COX7B2: variants seen among roughly 807,000 people sequenced by gnomAD.
The protein encoded by COX7B2 is cytochrome c oxidase subunit 7B2.
For missense variants in COX7B2, 109 were observed against 95.9 expected, an observed-to-expected ratio of 1.14 and a Z score of -0.57; for synonymous variants, 37 against 32.1, an observed-to-expected ratio of 1.15 and a Z score of -0.51.
At chr4:46,859,767 G>A (rs2109797645) in intron 1 of COX7B2, among the ~76,000 whole-genome samples, 1 of 152,296 alleles carries the variant, frequency 6.6e-6, no homozygotes, top group Non-Finnish European at 1.5e-5. Context: ...TGCCATGATA[G>A]TTTACAAATG....
intron 1 of COX7B2, among the ~76,000 whole-genome samples, chr4:46,867,239 C>T (rs1717720245): frequency 6.6e-6 from 1 of 152,178 alleles, no homozygotes; most frequent in Non-Finnish European, 1.5e-5. Context: ...CTCATAAGAT[C>T]AGCAGGAAGC....
intron 2 of COX7B2, among the ~76,000 whole-genome samples, chr4:46,843,419 C>G (rs566749982): frequency 6.6e-6 from 1 of 151,876 alleles, no homozygotes; most frequent in Non-Finnish European, 1.5e-5. Context: ...ACTGAGACTC[C>G]GAGAGAGTCA....
chr4:46,858,881 G>T (rs1717171682), intron 1 of COX7B2, among the ~76,000 whole-genome samples: 1 of 152,114 alleles, frequency 6.6e-6, no homozygotes, highest in Non-Finnish European at 1.5e-5. Context: ...ACTTTTAAAA[G>T]TCATTTCACA....
At chr4:46,900,090 T>C (rs903166534) in intron 1 of COX7B2, among the ~76,000 whole-genome samples, 1 of 152,322 alleles carries the variant, frequency 6.6e-6, no homozygotes, top group East Asian at 1.9e-4. Context: ...GAGCTAACTG[T>C]TCTGATCCAA....
At chr4:46,755,975 T>C (rs774881878) in intron 2 of COX7B2, among the ~76,000 whole-genome samples, 4 of 152,072 alleles carry the variant, frequency 2.6e-5, no homozygotes, top group Admixed American at 6.6e-5. Context: ...AAATTTTATA[T>C]GGAACCAAAA....
intron 2 of COX7B2, among the ~76,000 whole-genome samples, chr4:46,843,930 T>C (rs1481446286): frequency 6.6e-6 from 1 of 152,014 alleles, no homozygotes; most frequent in African/African-American, 2.4e-5. Context: ...TATGGGGTTA[T>C]TCCCTGGTGG....
chr4:46,809,211 T>C (rs1719161219), intron 2 of COX7B2, among the ~76,000 whole-genome samples: 1 of 151,850 alleles, frequency 6.6e-6, no homozygotes, highest in South Asian at 2.1e-4. Flanking sequence ...TTTTTATGAT[T>C]AGACAACTCT....
At chr4:46,780,413 A>G (rs1162853762) in intron 2 of COX7B2, among the ~76,000 whole-genome samples, 1 of 152,182 alleles carries the variant, frequency 6.6e-6, no homozygotes, top group East Asian at 1.9e-4. Context: ...GCTACTTGGG[A>G]GGCTGAGGCA....
At chr4:46,794,612 A>C (rs1272770715) in intron 2 of COX7B2, among the ~76,000 whole-genome samples, 1 of 152,094 alleles carries the variant, frequency 6.6e-6, no homozygotes, top group Non-Finnish European at 1.5e-5. Context: ...AACTACAGAA[A>C]CTGAACTAGG....
At chr4:46,794,482 C>A (rs963061301) in intron 2 of COX7B2, among the ~76,000 whole-genome samples, 1 of 152,086 alleles carries the variant, frequency 6.6e-6, no homozygotes, top group Non-Finnish European at 1.5e-5. Flanking sequence ...GACCTACTCA[C>A]CCATACTGAG....
Position 46,909,201 on chromosome 4 carries a change from G to A in COX7B2, c.-146C>T, listed in dbSNP as rs1341602897. On this transcript the variant is annotated 5_prime_UTR_variant, in exon 1 of 3. Transcript: ENST00000355591. Reference sequence around the variant, plus strand: ...AACAGGCAAAAAAAGACGGCGCAGAGGCAAATTCCGAACCTTTCCGTTTTA... The same window carrying A: ...AACAGGCAAAAAAAGACGGCGCAGAAGCAAATTCCGAACCTTTCCGTTTTA... 1.3e-5 allele frequency: 2 copies of A among 152,162 alleles called. No individual in the cohort carries two copies. Among genetic ancestry groups the A allele is most frequent in the Non-Finnish European group, 2.9e-5 (2 of 68,048 alleles). The allele number at this position is 152,162 out of a possible 1,614,324, so 9.4% of individuals were successfully genotyped here. A position where few individuals can be genotyped will look rare whatever the true frequency, so the allele number is the denominator to read the frequency against.
At chr4:46,833,117 C>T (rs920508888) in intron 2 of COX7B2, among the ~76,000 whole-genome samples, 4 of 152,142 alleles carry the variant, frequency 2.6e-5, no homozygotes, top group Non-Finnish European at 4.4e-5. Context: ...GTTGGTCAGG[C>T]TGGTCTTCAA....
intron 2 of COX7B2, among the ~76,000 whole-genome samples, chr4:46,829,001 A>G (rs892877312): frequency 1.3e-5 from 2 of 152,154 alleles, no homozygotes; most frequent in Admixed American, 6.5e-5. Flanking sequence ...TATGTGAACT[A>G]TTATTACTCC....
At chr4:46,863,085 C>G (rs945963876) in intron 1 of COX7B2, among the ~76,000 whole-genome samples, 19 of 152,002 alleles carry the variant, frequency 1.2e-4, no homozygotes, top group Admixed American at 1.0e-3. Context: ...AAAGAATATG[C>G]CTTTTTATCG....
chr4:46,904,826 G>C (rs926587519), intron 1 of COX7B2, among the ~76,000 whole-genome samples: 2 of 152,204 alleles, frequency 1.3e-5, no homozygotes, highest in Non-Finnish European at 2.9e-5. Context: ...GTACAGAGCA[G>C]AGTGTGTGAA....
At chr4:46,787,460 A>C (rs962244592) in intron 2 of COX7B2, among the ~76,000 whole-genome samples, 1 of 151,956 alleles carries the variant, frequency 6.6e-6, no homozygotes, top group Admixed American at 6.5e-5. Flanking sequence ...ATAAAAAAAA[A>C]TAAAAAAAAA....
chr4:46,887,868 A>C (rs1166262671), intron 1 of COX7B2, among the ~76,000 whole-genome samples: 2 of 152,056 alleles, frequency 1.3e-5, no homozygotes, highest in African/African-American at 2.4e-5. Context: ...CTCTAAAATG[A>C]AAAAAAGGTT....
chr4:46,889,174 C>T (rs1443128926), intron 1 of COX7B2, among the ~76,000 whole-genome samples: 3 of 152,002 alleles, frequency 2.0e-5, no homozygotes, highest in Admixed American at 6.6e-5. Context: ...GGAGAAAAAT[C>T]CATTTGATAG....
At chr4:46,780,831 T>C (rs932059500) in intron 2 of COX7B2, among the ~76,000 whole-genome samples, 8 of 152,224 alleles carry the variant, frequency 5.3e-5, no homozygotes, top group African/African-American at 1.9e-4. Flanking sequence ...CCTTGCTCCA[T>C]ACTCATCATC....
Sources: gnomAD v4.1 joint callset for allele counts (sites outside exome capture counted in the v4.1 genomes callset) on GRCh38, gnomAD v4.1.1 for gene constraint, MANE v1.5 for transcripts, NCBI Gene and HGNC (gene_info 2026-07-23, HGNC 2026-07-21) for gene names.